The following SNRNP48 variants were observed in gnomAD, a reference collection of about 807,000 sequenced individuals.
The protein encoded by SNRNP48 is U11/U12 small nuclear ribonucleoprotein 48 kDa protein.
SNRNP48 carries 43 observed loss-of-function variants against 47.0 expected under a neutral mutation model. The observed-to-expected ratio is 0.92, with a 90% confidence interval of 0.72 to 1.18. The LOEUF (loss-of-function observed/expected upper bound fraction) is 1.18. SNRNP48 is among the 50% of genes most tolerant of loss of function. The pLI, the probability that SNRNP48 is intolerant of heterozygous loss-of-function variation, is 0.00. For synonymous variants in SNRNP48, 138 were observed against 144.0 expected (o/e 0.96, Z 0.30); for missense variants, 396 against 422.2 (o/e 0.94, Z 0.54).
At chr6:7,597,020 T>C (rs1013822609) in intron 4 of SNRNP48, among the ~76,000 whole-genome samples, 6 of 152,254 alleles carry the variant, frequency 3.9e-5, no homozygotes, top group African/African-American at 1.4e-4. Context: ...AGTGTGTTTG[T>C]TCTAAAGGTT....
chr6:7,600,205 T>A, intron 4 of SNRNP48: 1 of 986,568 alleles, frequency 1.0e-6, no homozygotes, highest in Non-Finnish European at 1.2e-6. Flanking sequence ...TGTTAAACCA[T>A]GGCCTCAGAT....
chr6:7,601,642 T>G, intron 5 of SNRNP48, 118 bp downstream of exon 5: 1 of 1,058,960 alleles, frequency 9.4e-7, no homozygotes, highest in South Asian at 2.0e-5. Context: ...TTTGTATCAT[T>G]TAATATTGAC....
intron 4 of SNRNP48, chr6:7,600,506 C>CT (rs1759996100): frequency 1.3e-5 from 2 of 152,128 alleles, no homozygotes; most frequent in Admixed American, 6.6e-5. Context: ...TTTTAAATTG[C>CT]TTTTTTTACA....
At chr6:7,600,368 C>A (rs760001913) in intron 4 of SNRNP48, 1 of 216,098 alleles carries the variant, frequency 4.6e-6, no homozygotes, top group Non-Finnish European at 7.9e-6. Flanking sequence ...CTGGAAAGAG[C>A]TACTGATTTT....
intron 8 of SNRNP48, among the ~76,000 whole-genome samples, chr6:7,608,483 G>A (rs1760173818): frequency 6.6e-6 from 1 of 152,102 alleles, no homozygotes; most frequent in Non-Finnish European, 1.5e-5. Flanking sequence ...GAATCCGGGA[G>A]GCGAAGGTTG....
At chr6:7,607,415 T>A (rs1038562629) in intron 8 of SNRNP48, among the ~76,000 whole-genome samples, 3 of 152,230 alleles carry the variant, frequency 2.0e-5, no homozygotes, top group Non-Finnish European at 2.9e-5. Context: ...TGTATTTTGC[T>A]ACTACGCCAT....
Position 7,605,964 on chromosome 6 carries a change from T to G in SNRNP48, c.807-67T>G, listed in dbSNP as rs1760116612. On this transcript the variant is annotated intron_variant, in intron 7 of 8. Coordinates refer to ENST00000342415, the MANE Select transcript of SNRNP48 (RefSeq NM_152551.4). Reference sequence around the variant, plus strand: ...TAGAATATTACACTTTAGACTGGTGTGTCTGTGTACGTATACTGGAGACCA... The same window carrying G: ...TAGAATATTACACTTTAGACTGGTGGGTCTGTGTACGTATACTGGAGACCA... 4 of 1,459,884 alleles carry G rather than the reference T, an allele frequency of 2.7e-6. No individual in the cohort carries two copies. In the Admixed American group the frequency reaches 9.1e-5, roughly 33 times the overall value. The allele number at this position is 1,459,884 out of a possible 1,614,324, so 90.4% of individuals were successfully genotyped here. A position where few individuals can be genotyped will look rare whatever the true frequency, so the allele number is the denominator to read the frequency against.
rs1760105898 is a variant in SNRNP48 at position 7,605,346 on chromosome 6, T to A, written c.718-52T>A. The A allele has an allele frequency of 7.0e-6, 10 of 1,429,790 alleles. No individual in the cohort carries two copies. In the South Asian group the frequency reaches 1.1e-4, roughly 16 times the overall value. 88.6% of individuals were successfully genotyped at this position (1,429,790 alleles called of 1,614,324 possible). A position where few individuals can be genotyped will look rare whatever the true frequency, so the allele number is the denominator to read the frequency against. ...ACTGATTTTTCTAGCGTTACAGTCT[T>A]AATTTTTTGAGCAGTTTTCTTACCT... On this transcript the variant is annotated intron_variant, in intron 6 of 8. Transcript: ENST00000342415.
chr6:7,602,173 A>G (rs1263001458), intron 5 of SNRNP48, among the ~76,000 whole-genome samples: 1 of 152,170 alleles, frequency 6.6e-6, no homozygotes, highest in Non-Finnish European at 1.5e-5. Flanking sequence ...ATTGAAAGTA[A>G]TTTAGAGATG....
Position 7,590,234 on chromosome 6 carries a change from C to T in SNRNP48, c.-24C>T, listed in dbSNP as rs371319235. Reference sequence around the variant, plus strand: ...CGTGCGGTCTGCAGTTCGGCCGCTTCCTCTTGGCGGGTGGGCTGCAGCTAT... The same window carrying T: ...CGTGCGGTCTGCAGTTCGGCCGCTTTCTCTTGGCGGGTGGGCTGCAGCTAT... On this transcript the variant is annotated 5_prime_UTR_variant, in exon 1 of 9. Coordinates refer to ENST00000342415, the MANE Select transcript of SNRNP48 (RefSeq NM_152551.4). 9.2e-6 allele frequency: 12 copies of T among 1,297,474 alleles called. No homozygotes were observed. Among genetic ancestry groups the T allele is most frequent in the Non-Finnish European group, 1.1e-5 (11 of 1,014,916 alleles). The allele number at this position is 1,297,474 out of a possible 1,614,324, so 80.4% of individuals were successfully genotyped here. A position where few individuals can be genotyped will look rare whatever the true frequency, so the allele number is the denominator to read the frequency against.
At chr6:7,594,610 T>G (rs1002893921) in intron 3 of SNRNP48, among the ~76,000 whole-genome samples, 1 of 152,212 alleles carries the variant, frequency 6.6e-6, no homozygotes, top group African/African-American at 2.4e-5. Flanking sequence ...CTAAATTTCT[T>G]TATAAAATGG....
At chr6:7,599,733 G>A (rs1295312466) in intron 4 of SNRNP48, 2 of 1,281,066 alleles carry the variant, frequency 1.6e-6, no homozygotes, top group Admixed American at 2.4e-5. Flanking sequence ...TTAAAGATAT[G>A]CAGTATCCTT....
Position 7,594,088 on chromosome 6 carries a change from T to C in SNRNP48, c.271-11T>C. On this transcript the variant is annotated splice_polypyrimidine_tract_variant and intron_variant, in intron 2 of 8. Coordinates refer to ENST00000342415, the MANE Select transcript of SNRNP48 (RefSeq NM_152551.4). ...CTGATACTTAAGAACAGTAAGATTC[T>C]TTTTTTTCAGGATGAAATGTATAAT... 1 of 1,392,294 alleles carries C rather than the reference T, an allele frequency of 7.2e-7. No individual in the cohort carries two copies. The highest frequency in any genetic ancestry group is 9.7e-7 in the Non-Finnish European group (1 of 1,028,420). 86.2% of individuals were successfully genotyped at this position (1,392,294 alleles called of 1,614,324 possible).
chr6:7,606,681 G>T (rs183690139), intron 8 of SNRNP48, among the ~76,000 whole-genome samples: 5 of 152,128 alleles, frequency 3.3e-5, no homozygotes, highest in African/African-American at 7.2e-5. Context: ...AATTAATACC[G>T]AATTAGTAAA....
intron 4 of SNRNP48, 66 bp downstream of exon 4, chr6:7,595,167 C>T: frequency 7.3e-7 from 1 of 1,371,292 alleles, no homozygotes; most frequent in Non-Finnish European, 9.9e-7. Flanking sequence ...AAGCATGTTA[C>T]TAATTTTCTT....
In SNRNP48 at chr6:7,605,415, A is replaced by T; in HGVS notation, c.735A>T (p.Ile245=). ...KSYTEVIRDV[I]NVHMEELSNH... ...CTCCCAAGGTGATTCGAGATGTGAT[A>T]AATGTGCACATGGAAGAACTCAGCA... is the stretch of plus-strand genomic sequence containing the variant. The change falls in exon 7 of 9, where the codon ATA becomes ATT. Residue 245 remains isoleucine (I), a synonymous_variant. Coordinates refer to ENST00000342415, the MANE Select transcript of SNRNP48 (RefSeq NM_152551.4). 1 of 1,614,098 alleles carries T rather than the reference A, an allele frequency of 6.2e-7. No individual in the cohort carries two copies. Among genetic ancestry groups the T allele is most frequent in the Non-Finnish European group, 8.5e-7 (1 of 1,179,962 alleles).
chr6:7,598,768 T>G (rs911488561), intron 4 of SNRNP48, among the ~76,000 whole-genome samples: 1 of 152,362 alleles, frequency 6.6e-6, no homozygotes, highest in Middle Eastern at 3.4e-3. Flanking sequence ...TCATTTCATC[T>G]GTCATGTCAG....
chr6:7,601,739 T>C (rs1471917359), intron 5 of SNRNP48, among the ~76,000 whole-genome samples: 1 of 152,156 alleles, frequency 6.6e-6, no homozygotes, highest in East Asian at 1.9e-4. Flanking sequence ...AATAAAAGTG[T>C]GTGGTTGCCT....
intron 5 of SNRNP48, 60 bp from the exon 6 acceptor site, chr6:7,602,563 T>TA: frequency 7.8e-7 from 1 of 1,288,464 alleles, no homozygotes; most frequent in Non-Finnish European, 1.1e-6. Context: ...ATTTATTTGA[T>TA]AATTCATAGA....
Sources: allele counts gnomAD v4.1 joint callset (sites outside exome capture counted in the v4.1 genomes callset), GRCh38; gene constraint gnomAD v4.1.1; transcripts MANE v1.5; gene names NCBI Gene and HGNC (gene_info 2026-07-23, HGNC 2026-07-21).